Variants in PCDHA7 observed in about 807,000 individuals in gnomAD.
PCDHA7 encodes the protein protocadherin alpha 7.
Under a neutral mutation model 57.2 loss-of-function variants are expected in PCDHA7, and 37 were observed. The ratio of observed to expected loss-of-function variants is 0.65; its 90% CI spans 0.50 to 0.85. The LOEUF is 0.85. Ranked by LOEUF, PCDHA7 falls within the 40% of genes least tolerant of loss-of-function variation. PCDHA7 has a pLI of 0.00. For missense variants in PCDHA7, 1,188 were observed against 1,241.8 expected, an observed-to-expected ratio of 0.96 and a Z score of 0.65; for synonymous variants, 553 against 558.8, an observed-to-expected ratio of 0.99 and a Z score of 0.15.
At chr5:140,958,515 A>G (rs1217324801) in intron 1 of PCDHA7, among the ~76,000 whole-genome samples, 1 of 152,150 alleles carries the variant, frequency 6.6e-6, no homozygotes, top group Non-Finnish European at 1.5e-5. Flanking sequence ...TGGCTGTCCA[A>G]TATATACTAT....
chr5:140,851,003 GA>G (rs2041919886), intron 1 of PCDHA7: 1 of 1,437,650 alleles, frequency 7.0e-7, no homozygotes. Flanking sequence ...AAATCCAGCA[GA>G]TTTTTTTTCT....
intron 1 of PCDHA7, chr5:140,876,539 C>G: frequency 6.2e-7 from 1 of 1,614,170 alleles, no homozygotes; most frequent in Non-Finnish European, 8.5e-7. Flanking sequence ...ACTTCACTGT[C>G]GCTCCCTGTG....
At chr5:140,869,529 T>A in intron 1 of PCDHA7, 2 of 1,614,166 alleles carry the variant, frequency 1.2e-6, no homozygotes, top group Non-Finnish European at 1.7e-6. Flanking sequence ...AGCTGCTGAT[T>A]GCGGAATCTA....
chr5:140,868,238 C>T (rs1413759486), intron 1 of PCDHA7: 6 of 151,984 alleles, frequency 3.9e-5, no homozygotes, highest in African/African-American at 7.2e-5. Flanking sequence ...TCATCTAGAT[C>T]AATAGACTTT....
chr5:140,909,620 A>C (rs576090849), intron 1 of PCDHA7, among the ~76,000 whole-genome samples: 1 of 152,122 alleles, frequency 6.6e-6, no homozygotes. Flanking sequence ...GGCAGCTCTA[A>C]TTGGTCTTCC....
intron 1 of PCDHA7, chr5:140,841,189 TTTCTC>T: frequency 8.1e-7 from 1 of 1,233,560 alleles, no homozygotes; most frequent in East Asian, 2.5e-5. Flanking sequence ...TTCAAAGTCT[TTTCTC>T]TGACAGCATC....
At chr5:140,843,015 T>G in intron 1 of PCDHA7, 1 of 1,595,148 alleles carries the variant, frequency 6.3e-7, no homozygotes, top group Non-Finnish European at 8.6e-7. Context: ...GCGCCGGCAC[T>G]GCTGGAGCCT....
chr5:140,877,266 C>T, intron 1 of PCDHA7: 1 of 1,613,808 alleles, frequency 6.2e-7, no homozygotes, highest in Non-Finnish European at 8.5e-7. Flanking sequence ...GCGCGGTGGA[C>T]GCTGACTCCG....
intron 1 of PCDHA7, among the ~76,000 whole-genome samples, chr5:140,894,264 G>A (rs1231047220): frequency 1.3e-5 from 2 of 151,820 alleles, no homozygotes; most frequent in African/African-American, 4.8e-5. Flanking sequence ...ACAAGTGGTA[G>A]CTTATTTACA....
At chr5:140,851,273 G>C in intron 1 of PCDHA7, 1 of 1,057,916 alleles carries the variant, frequency 9.5e-7, no homozygotes, top group African/African-American at 1.7e-5. Flanking sequence ...TACTTGTATT[G>C]TTTATAAGAA....
intron 1 of PCDHA7, among the ~76,000 whole-genome samples, chr5:140,944,370 A>G (rs1554216325): frequency 6.6e-6 from 1 of 151,966 alleles, no homozygotes; most frequent in Admixed American, 6.6e-5. Flanking sequence ...AATTTTTTAT[A>G]GAGATGGAGT....
chr5:140,848,363 A>C, intron 1 of PCDHA7: 1 of 1,078,860 alleles, frequency 9.3e-7, no homozygotes, highest in Non-Finnish European at 1.4e-6. Flanking sequence ...CCCATGGGAA[A>C]GAGGCTCAAT....
At chr5:140,909,353 T>C (rs2074452823) in intron 1 of PCDHA7, among the ~76,000 whole-genome samples, 1 of 152,156 alleles carries the variant, frequency 6.6e-6, no homozygotes, top group Non-Finnish European at 1.5e-5. Flanking sequence ...CCAAGAGATG[T>C]GTTAATTTGT....
chr5:140,834,517 T>C lies in PCDHA7; in HGVS notation c.134T>C (p.Val45Ala). 1.2e-6 allele frequency: 2 copies of C among 1,614,066 alleles called. No homozygotes were observed. The highest frequency in any genetic ancestry group is 1.1e-5 in the South Asian group (1 of 91,084). ...GAGGAGGCTAAACATGGCAACTTCG[T>C]GGGCCGCATCGCGCAGGACCTGGGG... ...VPEEAKHGNF[V>A]GRIAQDLGLE... The change falls in exon 1 of 4, where the codon GTG becomes GCG. Residue 45 changes from valine (V) to alanine (A), a missense_variant. Val to Ala is a moderately conservative substitution (Grantham distance 64). Around this residue, in one of 3 missense-constraint regions of PCDHA7, gnomAD observed 194 missense variants for 185.8 expected, o/e 1.04. Transcript: ENST00000525929.
chr5:140,915,234 A>G (rs1373292519), intron 1 of PCDHA7, among the ~76,000 whole-genome samples: 1 of 152,144 alleles, frequency 6.6e-6, no homozygotes, highest in Non-Finnish European at 1.5e-5. Flanking sequence ...GGCATGAGCC[A>G]CCATGCCTGG....
chr5:140,926,212 T>G (rs1261895253), intron 1 of PCDHA7, among the ~76,000 whole-genome samples: 2 of 152,204 alleles, frequency 1.3e-5, no homozygotes, highest in Non-Finnish European at 2.9e-5. Context: ...GGGCTCCTGT[T>G]TCCTTAAGCC....
intron 1 of PCDHA7, among the ~76,000 whole-genome samples, chr5:140,900,909 G>T (rs1470878423): frequency 1.3e-5 from 2 of 152,184 alleles, no homozygotes; most frequent in Middle Eastern, 3.4e-3. Context: ...TTTAACTGTG[G>T]TAAGATGATA....
intron 1 of PCDHA7, among the ~76,000 whole-genome samples, chr5:140,974,521 G>GT (rs1223492348): frequency 3.0e-4 from 45 of 152,208 alleles, no homozygotes; most frequent in African/African-American, 1.0e-3. Flanking sequence ...TTTTATTTTA[G>GT]TTTTTTTGAG....
intron 3 of PCDHA7, among the ~76,000 whole-genome samples, chr5:140,990,570 C>T (rs142596715): frequency 7.2e-4 from 110 of 152,260 alleles, no homozygotes; most frequent in African/African-American, 2.4e-3. Context: ...CACACCTGTT[C>T]GATCTCTTTT....
Sources: allele counts gnomAD v4.1 joint callset (sites outside exome capture counted in the v4.1 genomes callset), GRCh38; gene constraint gnomAD v4.1.1; regional missense constraint gnomAD v4.1.1; transcripts MANE v1.5; gene names NCBI Gene and HGNC (gene_info 2026-07-23, HGNC 2026-07-21).